GRM7: variants seen among roughly 807,000 people sequenced by gnomAD.
The protein encoded by GRM7 is glutamate metabotropic receptor 7.
A neutral mutation model predicts 84.5 loss-of-function variants in GRM7; 35 were observed. The observed-to-expected ratio is 0.41, with a 90% CI of 0.32 to 0.55. The LOEUF (loss-of-function observed/expected upper bound fraction) is 0.55, where lower values mean the gene tolerates loss of function less well. Among genes scored for constraint, GRM7 ranks in the 20% least tolerant of loss-of-function variants. The pLI, the probability that GRM7 is intolerant of heterozygous loss-of-function variation, is 0.19. For missense variants in GRM7, 1,003 were observed against 1,194.6 expected, an observed-to-expected ratio of 0.84 and a Z score of 2.36; for synonymous variants, 487 against 455.1, an observed-to-expected ratio of 1.07 and a Z score of -0.89.
At chr3:7,163,288 A>G (rs1022615539) in intron 2 of GRM7, among the ~76,000 whole-genome samples, 66 of 152,296 alleles carry the variant, frequency 4.3e-4, no homozygotes, top group African/African-American at 1.6e-3. Flanking sequence ...GGGCCCCCCA[A>G]ATGGCATCCA....
intron 1 of GRM7, among the ~76,000 whole-genome samples, chr3:6,971,526 C>A (rs1373187062): frequency 6.6e-6 from 1 of 152,218 alleles, no homozygotes; most frequent in Non-Finnish European, 1.5e-5. Context: ...TTACTACTGT[C>A]TAAATCCCAG....
Position 7,656,514 on chromosome 3 carries a change from T to TAA in GRM7, c.2452-23527_2452-23526dup, listed in dbSNP as rs374617506. Among the ~76,000 whole-genome samples, 309 of 104,756 alleles carry TAA rather than the reference T, an allele frequency of 2.9e-3. 1 individual carries two copies. The highest frequency in any genetic ancestry group is 8.9e-3 in the Middle Eastern group (2 of 224). The allele number at this position is 104,756 out of a possible 152,430, so 68.7% of individuals were successfully genotyped here. Reference sequence around the variant, plus strand: ...CTGTCTCAAAAAACAAACAAACAAATAAAAAAAAATATATATATATATATA... The same window carrying TAA: ...CTGTCTCAAAAAACAAACAAACAAATAAAAAAAAAAATATATATATATATATA... On this transcript the variant is annotated intron_variant, in intron 8 of 9. Coordinates refer to ENST00000357716, the MANE Select transcript of GRM7 (RefSeq NM_000844.4).
Position 7,579,164 on chromosome 3 carries a change from A to T in GRM7, c.2258A>T (p.Asp753Val). 1 of 1,613,888 alleles carries T rather than the reference A, an allele frequency of 6.2e-7. No homozygotes were observed. The highest frequency in any genetic ancestry group is 8.5e-7 in the Non-Finnish European group (1 of 1,179,826). ...ARGVLKCDITDLQIICSLGYS... is the reference protein window; with the variant it reads ...ARGVLKCDITVLQIICSLGYS... The stretch of plus-strand genomic sequence containing the variant: ...GGGGTTCTCAAGTGTGACATTACAG[A>T]TCTCCAAATCATTTGCTCCTTGGGA... Residue 753 changes from aspartate to valine, a missense_variant, in exon 8 of 10, where the codon GAT (aspartate) becomes GTT (valine). Asp to Val is a radical substitution (Grantham distance 152, BLOSUM62 -3). Around this residue, in one of 2 missense-constraint regions of GRM7, gnomAD observed 910 missense variants for 1,126.0 expected, o/e 0.81. Transcript: ENST00000357716.
intron 1 of GRM7, among the ~76,000 whole-genome samples, chr3:6,981,103 C>A (rs1163999042): frequency 1.3e-5 from 2 of 151,988 alleles, no homozygotes; most frequent in Non-Finnish European, 2.9e-5. Context: ...TTCGCAAAGG[C>A]CATGGAATGA....
At chr3:7,153,464 T>A (rs562466217) in intron 2 of GRM7, among the ~76,000 whole-genome samples, 7 of 152,254 alleles carry the variant, frequency 4.6e-5, no homozygotes, top group Admixed American at 4.6e-4. Context: ...TATGCTACAT[T>A]TGACTTTCAA....
chr3:7,562,476 G>T (rs1694072896), intron 7 of GRM7, among the ~76,000 whole-genome samples: 2 of 152,028 alleles, frequency 1.3e-5, no homozygotes, highest in Non-Finnish European at 2.9e-5. Flanking sequence ...AGTTAAGTGA[G>T]TCGATCAAGA....
chr3:7,267,600 G>A (rs1559540294), intron 2 of GRM7, among the ~76,000 whole-genome samples: 1 of 152,222 alleles, frequency 6.6e-6, no homozygotes, highest in African/African-American at 2.4e-5. Flanking sequence ...TCACTGAGAT[G>A]AGTATAACCA....
chr3:7,243,639 G>A (rs1368381817), intron 2 of GRM7, among the ~76,000 whole-genome samples: 5 of 151,960 alleles, frequency 3.3e-5, no homozygotes, highest in East Asian at 1.9e-4. Context: ...TTAAGGTCAC[G>A]TGCTCTACCT....
In GRM7 at chr3:7,350,651, T is replaced by C. The variant is rs141869589; in HGVS notation, c.1033+43999T>C. On this transcript the variant is annotated intron_variant, in intron 4 of 9. Transcript: ENST00000357716. ...GAATAGACTAATGCACTAATACTTA[T>C]AAAATTTAGGTCATACCACCAAGGA... is the stretch of plus-strand genomic sequence containing the variant. 3.9e-3 allele frequency among the ~76,000 whole-genome samples: 601 copies of C among 152,176 alleles called. 7 individuals carry two copies. Among genetic ancestry groups the C allele is most frequent in the African/African-American group, 0.014 (583 of 41,542 alleles).
chr3:7,715,953 C>G (rs1701758111), intron 9 of GRM7, among the ~76,000 whole-genome samples: 1 of 152,132 alleles, frequency 6.6e-6, no homozygotes, highest in Non-Finnish European at 1.5e-5. Flanking sequence ...TTCAGCAGCC[C>G]TTCCCTAACC....
chr3:7,674,998 C>G (rs1265904818), intron 8 of GRM7, among the ~76,000 whole-genome samples: 2 of 152,142 alleles, frequency 1.3e-5, no homozygotes, highest in South Asian at 4.1e-4. Flanking sequence ...GCATTAACAT[C>G]CCCTAAACCA....
chr3:6,915,971 T>G (rs1022562521), intron 1 of GRM7, among the ~76,000 whole-genome samples: 5 of 152,218 alleles, frequency 3.3e-5, no homozygotes, highest in Non-Finnish European at 7.3e-5. Context: ...ATCAGTGGTA[T>G]AGACAACAAA....
intron 1 of GRM7, among the ~76,000 whole-genome samples, chr3:7,003,930 G>A (rs1210948862): frequency 6.6e-6 from 1 of 152,144 alleles, no homozygotes; most frequent in East Asian, 1.9e-4. Flanking sequence ...GGCATTGGAG[G>A]CTCTACTTCC....
chr3:7,061,281 C>A (rs988679210), intron 1 of GRM7, among the ~76,000 whole-genome samples: 1 of 151,718 alleles, frequency 6.6e-6, no homozygotes, highest in South Asian at 2.1e-4. Context: ...AATAGTATTA[C>A]TAACAATGAC....
chr3:7,139,282 G>T (rs902110592), intron 1 of GRM7, among the ~76,000 whole-genome samples: 8 of 151,584 alleles, frequency 5.3e-5, no homozygotes, highest in African/African-American at 1.9e-4. Flanking sequence ...GCTGGAAATA[G>T]TTGGTTCTAC....
rs530181425 is a variant in GRM7, at chr3:7,532,952, A to G, written c.1516-45470A>G. ...ATCAATGCAACAAGAAGAGCTGACT[A>G]TCCTAAATACATATGCCCCCAGTAC... On this transcript the variant is annotated intron_variant, in intron 7 of 9. Transcript: ENST00000357716. Among the ~76,000 whole-genome samples, 245 of 152,142 alleles carry G rather than the reference A, an allele frequency of 1.6e-3. 2 individuals are homozygous for G. The highest frequency in any genetic ancestry group is 0.012 in the South Asian group (60 of 4,814).
intron 1 of GRM7, among the ~76,000 whole-genome samples, chr3:7,130,387 C>T (rs929148792): frequency 6.6e-6 from 1 of 151,846 alleles, no homozygotes; most frequent in Non-Finnish European, 1.5e-5. Flanking sequence ...ACTAAAAATA[C>T]AGAAAATTAG....
chr3:7,535,210 G>C (rs577076951), intron 7 of GRM7: 4 of 151,736 alleles, frequency 2.6e-5, no homozygotes, highest in Admixed American at 2.6e-4. Flanking sequence ...TAGTGTCTCA[G>C]GAAATGAGAC....
chr3:7,615,535 G>A (rs1359724150), intron 8 of GRM7, among the ~76,000 whole-genome samples: 1 of 152,064 alleles, frequency 6.6e-6, no homozygotes, highest in Admixed American at 6.6e-5. Context: ...ATTTGAATAT[G>A]GATAATTTGA....
Sources: gnomAD v4.1 joint callset for allele counts (sites outside exome capture counted in the v4.1 genomes callset) on GRCh38, gnomAD v4.1.1 for gene constraint, gnomAD v4.1.1 regional missense constraint, MANE v1.5 for transcripts, NCBI Gene and HGNC (gene_info 2026-07-23, HGNC 2026-07-21) for gene names.